The following SLC24A2 variants were observed in gnomAD, a reference collection of about 807,000 sequenced individuals.
SLC24A2 encodes the protein sodium/potassium/calcium exchanger 2.
SLC24A2 carries 36 observed loss-of-function variants against 62.0 expected under a neutral mutation model. That is an observed-to-expected ratio of 0.58 (90% CI 0.44 to 0.77). The LOEUF (loss-of-function observed/expected upper bound fraction) is 0.77, where lower values mean the gene tolerates loss of function less well. Among genes scored for constraint, SLC24A2 ranks in the 30% least tolerant of loss-of-function variants. The pLI is 0.00. For synonymous variants in SLC24A2, 358 were observed against 294.0 expected, an observed-to-expected ratio of 1.22 and a Z score of -2.23; for missense variants, 846 against 817.9, an observed-to-expected ratio of 1.03 and a Z score of -0.42.
intron 7 of SLC24A2, among the ~76,000 whole-genome samples, chr9:19,572,304 C>T (rs1346551798): frequency 6.6e-6 from 1 of 151,284 alleles, no homozygotes; most frequent in African/African-American, 2.4e-5. Context: ...ATGCCTACAC[C>T]TTCAGCTGTG....
At chr9:19,996,741 G>A in the SLC24A2 span, among the ~76,000 whole-genome samples, 41 of 106,948 alleles carry the variant, frequency 3.8e-4, no homozygotes, top group South Asian at 1.1e-3. Context: ...GTGAGACTCC[G>A]TCTCAAAAAA....
intron 2 of SLC24A2, among the ~76,000 whole-genome samples, chr9:19,755,427 G>A (rs190951335): frequency 2.0e-5 from 3 of 152,164 alleles, no homozygotes; most frequent in South Asian, 2.1e-4. Flanking sequence ...CGTGACTTGG[G>A]AGCAACCTTG....
intron 2 of SLC24A2, among the ~76,000 whole-genome samples, chr9:19,658,078 T>C (rs1042445084): frequency 1.3e-5 from 2 of 152,186 alleles, no homozygotes; most frequent in African/African-American, 4.8e-5. Flanking sequence ...GGCACTGGAC[T>C]GCTCCTACCT....
At chr9:19,541,795 C>T (rs1176576948) in intron 8 of SLC24A2, among the ~76,000 whole-genome samples, 3 of 148,694 alleles carry the variant, frequency 2.0e-5, no homozygotes, top group Non-Finnish European at 4.5e-5. Flanking sequence ...GCGGGCGCCC[C>T]TCCCCCAGCC....
At chr9:19,517,247 C>T (rs1832978336) in intron 10 of SLC24A2, among the ~76,000 whole-genome samples, 1 of 152,062 alleles carries the variant, frequency 6.6e-6, no homozygotes, top group African/African-American at 2.4e-5. Flanking sequence ...TGGGCATTTC[C>T]AAGTGGCTGG....
the SLC24A2 span, among the ~76,000 whole-genome samples, chr9:20,230,125 G>T: frequency 6.6e-6 from 1 of 152,110 alleles, no homozygotes; most frequent in East Asian, 1.9e-4. Flanking sequence ...TCTTAATCCA[G>T]TCTATTGTTG....
intron 2 of SLC24A2, among the ~76,000 whole-genome samples, chr9:19,625,510 A>C (rs1265562098): frequency 1.3e-5 from 2 of 152,122 alleles, no homozygotes; most frequent in Non-Finnish European, 2.9e-5. Flanking sequence ...AGACTTTGGC[A>C]GGCCATCATC....
At position 19,515,016 on chromosome 9, in the gene SLC24A2, C is replaced by G. The variant is rs957705824; in HGVS notation, c.*1137G>C. On this transcript the variant is annotated 3_prime_UTR_variant, in exon 11 of 11. Coordinates refer to ENST00000341998, the MANE Select transcript of SLC24A2 (RefSeq NM_020344.4). ...CCATTAGGTGGCAAGGCCCACTAAG[C>G]ACCTTTACTGGATGACTTCTTATTG... is the stretch of plus-strand genomic sequence containing the variant. The G allele has an allele frequency of 2.6e-5, 4 of 152,212 alleles. No homozygotes were observed. The highest frequency in any genetic ancestry group is 4.4e-5 in the Non-Finnish European group (3 of 68,044). 9.4% of individuals were successfully genotyped at this position (152,212 alleles called of 1,614,324 possible). A position where few individuals can be genotyped will look rare whatever the true frequency, so the allele number is the denominator to read the frequency against.
At chr9:20,253,508 G>A in the SLC24A2 span, among the ~76,000 whole-genome samples, 7 of 152,172 alleles carry the variant, frequency 4.6e-5, no homozygotes, top group African/African-American at 1.7e-4. Context: ...TTTATCCAAG[G>A]CCAATGATCC....
chr9:20,220,415 C>T, the SLC24A2 span, among the ~76,000 whole-genome samples: 1 of 152,176 alleles, frequency 6.6e-6, no homozygotes, highest in Non-Finnish European at 1.5e-5. Flanking sequence ...CTTATTCTCA[C>T]ATATTCAATC....
At chr9:19,584,273 T>TAAAAAAA (rs5896848) in intron 5 of SLC24A2, among the ~76,000 whole-genome samples, 5 of 119,918 alleles carry the variant, frequency 4.2e-5, no homozygotes, top group South Asian at 2.7e-4. Context: ...TAGCAAATAG[T>TAAAAAAA]AAAAAAAAAA....
the SLC24A2 span, among the ~76,000 whole-genome samples, chr9:20,219,307 G>A: frequency 6.6e-6 from 1 of 152,158 alleles, no homozygotes; most frequent in Non-Finnish European, 1.5e-5. Context: ...TGAGATGTGG[G>A]AAGTGCACTG....
chr9:19,619,196 CT>C (rs1215841042), intron 4 of SLC24A2, among the ~76,000 whole-genome samples: 1 of 152,198 alleles, frequency 6.6e-6, no homozygotes, highest in Non-Finnish European at 1.5e-5. Flanking sequence ...CTTTTTCTCT[CT>C]TTTTTAAGGT....
chr9:19,928,966 CT>C, the SLC24A2 span: 1 of 152,220 alleles, frequency 6.6e-6, no homozygotes, highest in African/African-American at 2.4e-5. Flanking sequence ...CCACACTGAG[CT>C]TTCACCCTTC....
rs1234360575 is a variant in SLC24A2, at chr9:19,508,413, T to C, written c.*7740A>G. 1 of 152,198 alleles carries C rather than the reference T, an allele frequency of 6.6e-6. No individual in the cohort carries two copies. The highest frequency in any genetic ancestry group is 1.5e-5 in the Non-Finnish European group (1 of 68,020). The allele number at this position is 152,198 out of a possible 1,614,324, so 9.4% of individuals were successfully genotyped here. On this transcript the variant is annotated 3_prime_UTR_variant, in exon 11 of 11. Coordinates refer to ENST00000341998, the MANE Select transcript of SLC24A2 (RefSeq NM_020344.4). Reference sequence around the variant, plus strand: ...ATGGGGTTGTCCAGTTTAGTACCCATGTTTACTCTATATGGACAATTTAGG... The same window carrying C: ...ATGGGGTTGTCCAGTTTAGTACCCACGTTTACTCTATATGGACAATTTAGG...
the SLC24A2 span, among the ~76,000 whole-genome samples, chr9:20,148,502 A>C: frequency 6.6e-6 from 1 of 152,116 alleles, no homozygotes; most frequent in African/African-American, 2.4e-5. Flanking sequence ...ACTTTAAAAG[A>C]AGATGCCTTT....
chr9:19,824,802 A>G, the SLC24A2 span, among the ~76,000 whole-genome samples: 3 of 152,234 alleles, frequency 2.0e-5, no homozygotes, highest in African/African-American at 7.2e-5. Context: ...TGGATAAGGA[A>G]AATGTGGCAC....
rs182029634 is a variant in SLC24A2 at position 19,595,426 on chromosome 9, C to T, written c.1129+1803G>A. ...TAAGAATGGGACACAAAGGGATATGCGTGAGGGGATGGGAAAATCAAGAGA... is the reference window on the plus strand; with the variant it reads ...TAAGAATGGGACACAAAGGGATATGTGTGAGGGGATGGGAAAATCAAGAGA... On this transcript the variant is annotated intron_variant, in intron 5 of 10. Transcript: ENST00000341998. Among the ~76,000 whole-genome samples the T allele has an allele frequency of 1.1e-4, 16 of 152,186 alleles. No homozygotes were observed. In the East Asian group the frequency reaches 2.3e-3, roughly 22 times the overall value.
At chr9:19,765,989 C>G (rs991975616) in intron 2 of SLC24A2, among the ~76,000 whole-genome samples, 11 of 151,952 alleles carry the variant, frequency 7.2e-5, no homozygotes, top group Non-Finnish European at 1.5e-4. Flanking sequence ...AGGCTTTGTT[C>G]ATTCCTTTTC....
Sources: gnomAD v4.1 joint callset for allele counts (sites outside exome capture counted in the v4.1 genomes callset) on GRCh38, gnomAD v4.1.1 for gene constraint, MANE v1.5 for transcripts, NCBI Gene and HGNC (gene_info 2026-07-23, HGNC 2026-07-21) for gene names.